Variants in ZYG11A observed in about 807,000 individuals in gnomAD.
The protein encoded by ZYG11A is protein zyg-11 homolog A.
In ZYG11A, 62 loss-of-function variants were observed where a neutral mutation model predicts 77.2. The observed-to-expected ratio is 0.80, with a 90% confidence interval of 0.65 to 0.99. The LOEUF is 0.99. ZYG11A is among the 50% of genes least tolerant of loss of function. ZYG11A has a pLI of 0.00. For missense variants in ZYG11A, 828 were observed against 896.8 expected (o/e 0.92, Z 0.98); for synonymous variants, 315 against 324.6 (o/e 0.97, Z 0.32).
intron 1 of ZYG11A, among the ~76,000 whole-genome samples, chr1:52,843,765 C>T (rs1233730421): frequency 6.7e-6 from 1 of 148,392 alleles, no homozygotes; most frequent in Non-Finnish European, 1.5e-5. Context: ...GGGCCCACTG[C>T]AACCTCCGCC....
chr1:52,879,890 G>A (rs1646334118), intron 10 of ZYG11A, among the ~76,000 whole-genome samples: 1 of 151,702 alleles, frequency 6.6e-6, no homozygotes. Context: ...AGTCTCCCGA[G>A]TAGCTGGGAT....
chr1:52,862,603 C>T (rs1053068074), intron 4 of ZYG11A, among the ~76,000 whole-genome samples: 14 of 152,070 alleles, frequency 9.2e-5, no homozygotes, highest in Non-Finnish European at 1.5e-4. Flanking sequence ...TGAGCCACTG[C>T]GCCCGGCAAG....
intron 13 of ZYG11A, among the ~76,000 whole-genome samples, chr1:52,890,311 C>T (rs1279304039): frequency 8.1e-6 from 1 of 124,092 alleles, no homozygotes; most frequent in African/African-American, 3.2e-5. Context: ...AGTGCAGTGG[C>T]GTGATCTCTG....
intron 1 of ZYG11A, among the ~76,000 whole-genome samples, chr1:52,843,323 C>T (rs1356828038): frequency 6.6e-6 from 1 of 152,220 alleles, no homozygotes; most frequent in Non-Finnish European, 1.5e-5. Flanking sequence ...GACGTAGGTG[C>T]AGGGCATGGC....
intron 5 of ZYG11A, among the ~76,000 whole-genome samples, chr1:52,866,130 G>A (rs1046046639): frequency 7.2e-5 from 11 of 151,912 alleles, no homozygotes; most frequent in African/African-American, 2.7e-4. Flanking sequence ...GTAGAGACGG[G>A]GTTTCACTGT....
At position 52,887,053 on chromosome 1, in the gene ZYG11A, C is replaced by A; in HGVS notation, c.2104C>A (p.Pro702Thr). 6.8e-7 allele frequency: 1 copy of A among 1,469,916 alleles called. No individual in the cohort carries two copies. Among genetic ancestry groups the A allele is most frequent in the Non-Finnish European group, 9.3e-7 (1 of 1,079,598 alleles). The allele number at this position is 1,469,916 out of a possible 1,614,324, so 91.1% of individuals were successfully genotyped here. Residue 702 changes from proline (P) to threonine (T), a missense_variant and splice_region_variant, in exon 13 of 14, where the codon CCC (proline) becomes ACC (threonine). Physicochemically the swap from Pro to Thr is conservative, Grantham distance 38. Coordinates refer to ENST00000371528, the MANE Select transcript of ZYG11A (RefSeq NM_001004339.3). ...WAMYHVCSKN[P>T]SKYCKMLVEE... ...TATGTATCATGTCTGCAGTAAAAATCGTATGTATTCAACATATATTCAAAA... is the reference window on the plus strand; with the variant it reads ...TATGTATCATGTCTGCAGTAAAAATAGTATGTATTCAACATATATTCAAAA...
chr1:52,868,198 T>C (rs144280626), intron 8 of ZYG11A, among the ~76,000 whole-genome samples: 2,539 of 151,902 alleles, frequency 0.017, 79 homozygotes, highest in African/African-American at 0.057. Context: ...ACTCCTGACC[T>C]CGTGATCTGC....
At chr1:52,863,368 T>G (rs770965803) in intron 4 of ZYG11A, among the ~76,000 whole-genome samples, 4 of 152,222 alleles carry the variant, frequency 2.6e-5, no homozygotes, top group Admixed American at 6.5e-5. Flanking sequence ...TCCCATCCTT[T>G]TTTTCCACTT....
At chr1:52,870,768 GGA>G (rs964200246) in intron 8 of ZYG11A, among the ~76,000 whole-genome samples, 2 of 152,152 alleles carry the variant, frequency 1.3e-5, no homozygotes, top group Non-Finnish European at 2.9e-5. Flanking sequence ...GGCTGAGGCA[GGA>G]GAGTCAGGCA....
chr1:52,858,619 A>AT (rs199932765), intron 3 of ZYG11A, among the ~76,000 whole-genome samples: 6,054 of 140,972 alleles, frequency 0.043, 312 homozygotes, highest in Middle Eastern at 0.18. Context: ...TATTATTATT[A>AT]TTTTTTTTTG....
rs61659267 is a variant in ZYG11A at position 52,846,308 on chromosome 1, TTTTATATATATATATA to T, written c.90+3337_90+3352del. Among the ~76,000 whole-genome samples, 73 of 124,894 alleles carry T rather than the reference TTTTATATATATATATA, an allele frequency of 5.8e-4. 2 individuals carry two copies. The highest frequency in any genetic ancestry group is 1.8e-3 in the African/African-American group (65 of 35,584). The allele number at this position is 124,894 out of a possible 152,430, so 81.9% of individuals were successfully genotyped here. ...TTTTGGAAATCATGGCTTTTTAAAT[TTTTATATATATATATA>T]TATATATATATATATATATATATAT... On this transcript the variant is annotated intron_variant, in intron 1 of 13. Coordinates refer to ENST00000371528, the MANE Select transcript of ZYG11A (RefSeq NM_001004339.3).
At chr1:52,864,385 A>G (rs1221264960) in intron 5 of ZYG11A, among the ~76,000 whole-genome samples, 1 of 152,120 alleles carries the variant, frequency 6.6e-6, no homozygotes, top group Non-Finnish European at 1.5e-5. Flanking sequence ...AGCTGGGATT[A>G]CAGGCGTGCA....
At chr1:52,861,369 AAACAT>A (rs1163538623) in intron 4 of ZYG11A, among the ~76,000 whole-genome samples, 1 of 152,194 alleles carries the variant, frequency 6.6e-6, no homozygotes, top group Non-Finnish European at 1.5e-5. Context: ...GTTTTTAGTG[AAACAT>A]AACAATGAAA....
intron 1 of ZYG11A, among the ~76,000 whole-genome samples, chr1:52,843,600 T>A (rs1645498020): frequency 6.6e-6 from 1 of 152,162 alleles, no homozygotes; most frequent in Non-Finnish European, 1.5e-5. Context: ...GAATGCCTGT[T>A]ACTCTTAGCT....
intron 11 of ZYG11A, among the ~76,000 whole-genome samples, chr1:52,881,916 T>C (rs1646371280): frequency 7.7e-6 from 1 of 129,066 alleles, no homozygotes; most frequent in African/African-American, 2.9e-5. Context: ...TTTTTTTTTT[T>C]TGAGACAGGG....
Position 52,892,831 on chromosome 1 carries a change from G to T in ZYG11A, c.2154G>T (p.Leu718Phe), listed in dbSNP as rs1160542378. ...MLVEEEGLQL[L>F]CDIQEHSEAT... ...TTGAAGAAGAAGGATTGCAGCTTTT[G>T]TGTGATATCCAGGAGCACAGTGAGG... The change falls in exon 14 of 14, where the codon TTG becomes TTT. Residue 718 changes from leucine to phenylalanine, a missense_variant. Coordinates refer to ENST00000371528, the MANE Select transcript of ZYG11A (RefSeq NM_001004339.3). The T allele has an allele frequency of 5.2e-6, 8 of 1,551,544 alleles. No individual in the cohort carries two copies. The Admixed American group carries it at 1.6e-4, about 30-fold the overall frequency.
Position 52,842,785 on chromosome 1 carries a change from T to C in ZYG11A, c.-99T>C, listed in dbSNP as rs1269591398. On this transcript the variant is annotated 5_prime_UTR_variant, in exon 1 of 14. Transcript: ENST00000371528. ...GCTAGCTCCGTGTGCCTCGCAGGCG[T>C]GGTGGGCGCGTCCTGGCAGCCGCCC... 11 of 1,158,774 alleles carry C rather than the reference T, an allele frequency of 9.5e-6. No individual in the cohort carries two copies. Among genetic ancestry groups the C allele is most frequent in the South Asian group, 1.4e-5 (1 of 71,630 alleles). The allele number at this position is 1,158,774 out of a possible 1,614,324, so 71.8% of individuals were successfully genotyped here.
intron 3 of ZYG11A, among the ~76,000 whole-genome samples, chr1:52,858,576 A>G (rs1485283802): frequency 6.6e-6 from 1 of 151,238 alleles, no homozygotes; most frequent in Admixed American, 6.6e-5. Context: ...AAGTGCTGGG[A>G]TTATAGGCAT....
intron 1 of ZYG11A, among the ~76,000 whole-genome samples, chr1:52,853,892 A>G (rs1571838509): frequency 6.6e-6 from 1 of 152,140 alleles, no homozygotes; most frequent in African/African-American, 2.4e-5. Context: ...GGCGATAGTG[A>G]GACCCTGTTT....
Sources: allele counts gnomAD v4.1 joint callset (sites outside exome capture counted in the v4.1 genomes callset), GRCh38; gene constraint gnomAD v4.1.1; transcripts MANE v1.5; gene names NCBI Gene and HGNC (gene_info 2026-07-23, HGNC 2026-07-21).